FYN: variants seen among roughly 807,000 people sequenced by gnomAD.
FYN encodes tyrosine-protein kinase Fyn.
A neutral mutation model predicts 70.2 loss-of-function variants in FYN; 10 were observed. The ratio of observed to expected loss-of-function variants is 0.14; its 90% CI spans 0.09 to 0.24. FYN has a LOEUF of 0.24. Among genes scored for constraint, FYN ranks in the 10% least tolerant of loss-of-function variants. The pLI is 1.00. For missense variants in FYN, 319 were observed against 673.1 expected (o/e 0.47, Z 5.82); for synonymous variants, 236 against 248.6 (o/e 0.95, Z 0.48).
Position 111,661,536 on chromosome 6 carries a change from G to C in FYN, c.*203C>G. On this transcript the variant is annotated 3_prime_UTR_variant, in exon 14 of 14. Coordinates refer to ENST00000354650, the MANE Select transcript of FYN (RefSeq NM_002037.5). The surrounding 1 kb of genome is among the most constrained non-coding windows in gnomAD (Gnocchi z 4.0). ...AAAGTCTGAGAAATAACAAGGTTCTGTCTCGAATGCTTCACAGAGGAGGTT... is the reference window on the plus strand; with the variant it reads ...AAAGTCTGAGAAATAACAAGGTTCTCTCTCGAATGCTTCACAGAGGAGGTT... 1 of 566,578 alleles carries C rather than the reference G, an allele frequency of 1.8e-6. No homozygotes were observed. The highest frequency in any genetic ancestry group is 3.1e-6 in the Non-Finnish European group (1 of 319,212). 35.1% of individuals were successfully genotyped at this position (566,578 alleles called of 1,614,324 possible).
At chr6:111,727,773 T>C (rs1397507928) in intron 3 of FYN, among the ~76,000 whole-genome samples, 4 of 152,196 alleles carry the variant, frequency 2.6e-5, no homozygotes, top group African/African-American at 4.8e-5. Context: ...CAAAGTAATA[T>C]AAATCACTCT....
intron 6 of FYN, among the ~76,000 whole-genome samples, chr6:111,707,311 T>C (rs573393075): frequency 6.6e-6 from 1 of 152,240 alleles, no homozygotes; most frequent in Non-Finnish European, 1.5e-5. Context: ...TTCAGCCTAC[T>C]GAACACCTTC....
chr6:111,706,790 T>A (rs1800111001), intron 6 of FYN, among the ~76,000 whole-genome samples: 2 of 152,202 alleles, frequency 1.3e-5, no homozygotes, highest in Non-Finnish European at 2.9e-5. Flanking sequence ...AATGCTACAT[T>A]TTGGTGGTAC....
intron 3 of FYN, among the ~76,000 whole-genome samples, chr6:111,771,474 T>C (rs188468500): frequency 3.8e-4 from 58 of 152,318 alleles, no homozygotes; most frequent in Admixed American, 4.6e-4. Flanking sequence ...GTAATCCAGT[T>C]AAATAACACT....
intron 3 of FYN, among the ~76,000 whole-genome samples, chr6:111,742,618 G>A (rs1197577601): frequency 6.6e-6 from 1 of 152,200 alleles, no homozygotes; most frequent in Non-Finnish European, 1.5e-5. Context: ...GGAAGAATTT[G>A]CACATGTTCT....
At chr6:111,767,978 C>T (rs1803299434) in intron 3 of FYN, among the ~76,000 whole-genome samples, 1 of 152,200 alleles carries the variant, frequency 6.6e-6, no homozygotes, top group Non-Finnish European at 1.5e-5. Context: ...ACAGGCAGCA[C>T]ACTTTTCACT....
intron 12 of FYN, among the ~76,000 whole-genome samples, chr6:111,681,146 G>C (rs1418920234): frequency 6.6e-6 from 1 of 151,258 alleles, no homozygotes; most frequent in Non-Finnish European, 1.5e-5. Context: ...TCCTGTCTCA[G>C]CCTCCTGAGT....
intron 2 of FYN, among the ~76,000 whole-genome samples, chr6:111,834,881 A>G (rs1450036414): frequency 6.6e-6 from 1 of 152,178 alleles, no homozygotes. Context: ...TTCCTATAGA[A>G]TAATCCCAGA....
At chr6:111,867,727 C>T (rs1364466050) in intron 1 of FYN, among the ~76,000 whole-genome samples, 1 of 152,090 alleles carries the variant, frequency 6.6e-6, no homozygotes, top group African/African-American at 2.4e-5. Flanking sequence ...CATTTAGACC[C>T]TCATCTACTA....
At position 111,826,959 on chromosome 6, in the gene FYN, C is replaced by T. The variant is rs187290263; in HGVS notation, c.-82+19630G>A. Among the ~76,000 whole-genome samples, 6 of 152,166 alleles carry T rather than the reference C, an allele frequency of 3.9e-5. No individual in the cohort carries two copies. The East Asian group carries it at 5.8e-4, about 15-fold the overall frequency. On this transcript the variant is annotated intron_variant, in intron 2 of 13. Transcript: ENST00000354650. ...ACCTTTAGAGATGAGAAAATTGAGG[C>T]GCTGTGAGGGGAAGCTGCTTGTCTG... is the stretch of plus-strand genomic sequence containing the variant.
intron 12 of FYN, among the ~76,000 whole-genome samples, chr6:111,675,814 AAAATAAAT>A (rs571127025): frequency 1.5e-4 from 22 of 151,226 alleles, no homozygotes; most frequent in African/African-American, 5.1e-4. Flanking sequence ...AAATAAAATA[AAAATAAAT>A]AAATAAATAA....
intron 13 of FYN, among the ~76,000 whole-genome samples, chr6:111,670,102 A>G (rs548136994): frequency 6.6e-6 from 1 of 152,220 alleles, no homozygotes; most frequent in East Asian, 1.9e-4. Flanking sequence ...GCAAGAGAGA[A>G]ATCATGTCAC....
At chr6:111,693,243 G>C (rs887115454) in intron 12 of FYN, among the ~76,000 whole-genome samples, 1 of 152,004 alleles carries the variant, frequency 6.6e-6, no homozygotes, top group Non-Finnish European at 1.5e-5. Flanking sequence ...AGAAGGAGAA[G>C]GAAAAAGAGA....
chr6:111,715,890 AT>A (rs1800621334), intron 4 of FYN, among the ~76,000 whole-genome samples: 6 of 152,222 alleles, frequency 3.9e-5, no homozygotes, highest in Admixed American at 3.9e-4. Flanking sequence ...ATGAAGGAAG[AT>A]TTGGATCCAA....
intron 3 of FYN, among the ~76,000 whole-genome samples, chr6:111,741,871 C>A (rs1347090514): frequency 6.6e-6 from 1 of 152,208 alleles, no homozygotes; most frequent in Non-Finnish European, 1.5e-5. Context: ...CTAAGTCCTG[C>A]GTTCTGACAA....
intron 2 of FYN, among the ~76,000 whole-genome samples, chr6:111,782,587 G>A (rs1421198922): frequency 6.6e-6 from 1 of 152,144 alleles, no homozygotes; most frequent in Non-Finnish European, 1.5e-5. Context: ...GATCACCTGG[G>A]AACAGACTAG....
chr6:111,685,713 A>G (rs1798976461), intron 12 of FYN, among the ~76,000 whole-genome samples: 1 of 152,236 alleles, frequency 6.6e-6, no homozygotes, highest in African/African-American at 2.4e-5. Flanking sequence ...GAGGGTGACC[A>G]TCTGCTTCCT....
At chr6:111,697,246 T>C (rs955822203) in intron 9 of FYN, among the ~76,000 whole-genome samples, 2 of 152,208 alleles carry the variant, frequency 1.3e-5, no homozygotes, top group Non-Finnish European at 2.9e-5. Flanking sequence ...CTGTAAAATA[T>C]AGGAATGGAA....
chr6:111,840,786 C>G (rs182947223), intron 2 of FYN, among the ~76,000 whole-genome samples: 173 of 152,316 alleles, frequency 1.1e-3, no homozygotes, highest in African/African-American at 3.9e-3. Flanking sequence ...TTCAGCCATT[C>G]TTCACATATA....
Sources: gnomAD v4.1 joint callset for allele counts (sites outside exome capture counted in the v4.1 genomes callset) on GRCh38, gnomAD v4.1.1 for gene constraint, Gnocchi (gnomAD v3.1) non-coding constraint, MANE v1.5 for transcripts, NCBI Gene and HGNC (gene_info 2026-07-23, HGNC 2026-07-21) for gene names.